KCNQ3: variants seen among roughly 807,000 people sequenced by gnomAD.
KCNQ3 encodes the protein potassium voltage-gated channel subfamily Q member 3.
Under a neutral mutation model 92.5 loss-of-function variants are expected in KCNQ3, and 30 were observed. That is an observed-to-expected ratio of 0.32 (90% CI 0.24 to 0.44). The LOEUF is 0.44. Ranked by LOEUF, KCNQ3 falls within the 20% of genes least tolerant of loss-of-function variation. KCNQ3 has a pLI of 1.00. For synonymous variants in KCNQ3, 450 were observed against 468.8 expected (o/e 0.96, Z 0.52); for missense variants, 913 against 1,140.3 (o/e 0.80, Z 2.87).
At chr8:132,311,220 A>C (rs1817582917) in intron 1 of KCNQ3, among the ~76,000 whole-genome samples, 1 of 152,172 alleles carries the variant, frequency 6.6e-6, no homozygotes, top group African/African-American at 2.4e-5. Flanking sequence ...TGGTAGATTA[A>C]AGTGATTTGT....
At chr8:132,461,070 T>A (rs868035939) in intron 1 of KCNQ3, among the ~76,000 whole-genome samples, 1 of 152,246 alleles carries the variant, frequency 6.6e-6, no homozygotes, top group African/African-American at 2.4e-5. Flanking sequence ...TGACTTAATA[T>A]CTCATTTCTT....
chr8:132,143,019 G>C (rs563368615), intron 9 of KCNQ3, among the ~76,000 whole-genome samples: 41 of 152,310 alleles, frequency 2.7e-4, no homozygotes, highest in Admixed American at 8.5e-4. Context: ...CATACGGAAG[G>C]CATTAAGAAA....
intron 1 of KCNQ3, among the ~76,000 whole-genome samples, chr8:132,414,449 A>T (rs1357311552): frequency 2.0e-5 from 3 of 152,246 alleles, no homozygotes; most frequent in Admixed American, 2.0e-4. Context: ...AGCCCAAGGC[A>T]TGTCAAATGC....
intron 1 of KCNQ3, among the ~76,000 whole-genome samples, chr8:132,446,600 C>T (rs1821683331): frequency 1.3e-5 from 2 of 152,164 alleles, no homozygotes; most frequent in South Asian, 4.1e-4. Context: ...CAGGATGAGT[C>T]TATGTGTCAG....
intron 1 of KCNQ3, among the ~76,000 whole-genome samples, chr8:132,414,911 G>C (rs1264646219): frequency 6.6e-6 from 1 of 152,214 alleles, no homozygotes; most frequent in Non-Finnish European, 1.5e-5. Flanking sequence ...AGTGTGTCCG[G>C]CAGAAGTAGG....
chr8:132,165,170 T>C (rs923553373), intron 8 of KCNQ3, among the ~76,000 whole-genome samples: 1 of 152,160 alleles, frequency 6.6e-6, no homozygotes, highest in Non-Finnish European at 1.5e-5. Flanking sequence ...CACCCTTCAG[T>C]TCATGTCATC....
intron 1 of KCNQ3, among the ~76,000 whole-genome samples, chr8:132,410,106 T>A (rs999370521): frequency 3.0e-4 from 45 of 152,078 alleles, no homozygotes; most frequent in Non-Finnish European, 4.6e-4. Flanking sequence ...TGTAGCTGGG[T>A]GACAGAATGA....
rs1199682378 is a variant in KCNQ3 at position 132,128,318 on chromosome 8, C to CTGTG, written c.*940_*943dup. On this transcript the variant is annotated 3_prime_UTR_variant, in exon 15 of 15. Transcript: ENST00000388996. ...AGGAAGTCCTTGGACTAGAAAATTTCTGTGTGCCTTCTTGACTTTAATTTC... is the reference window on the plus strand; with the variant it reads ...AGGAAGTCCTTGGACTAGAAAATTTCTGTGTGTGTGCCTTCTTGACTTTAATTTC... 2 of 152,146 alleles carry CTGTG rather than the reference C, an allele frequency of 1.3e-5. No homozygotes were observed. Among genetic ancestry groups the CTGTG allele is most frequent in the Non-Finnish European group, 2.9e-5 (2 of 68,024 alleles). The allele number at this position is 152,146 out of a possible 1,614,324, so 9.4% of individuals were successfully genotyped here. A position where few individuals can be genotyped will look rare whatever the true frequency, so the allele number is the denominator to read the frequency against.
At chr8:132,400,807 A>G (rs1286320966) in intron 1 of KCNQ3, among the ~76,000 whole-genome samples, 1 of 152,194 alleles carries the variant, frequency 6.6e-6, no homozygotes, top group African/African-American at 2.4e-5. Flanking sequence ...GCCTGGGCAC[A>G]ATGGCATTAA....
At chr8:132,147,449 A>G (rs1322406391) in intron 9 of KCNQ3, among the ~76,000 whole-genome samples, 2 of 152,244 alleles carry the variant, frequency 1.3e-5, no homozygotes, top group African/African-American at 2.4e-5. Flanking sequence ...ACTGAGAGGC[A>G]TCGTGTCAAG....
At chr8:132,234,039 C>T (rs1232644616) in intron 1 of KCNQ3, among the ~76,000 whole-genome samples, 1 of 152,160 alleles carries the variant, frequency 6.6e-6, no homozygotes, top group African/African-American at 2.4e-5. Context: ...GGGCAGTAGG[C>T]GTAAACTAGA....
At chr8:132,411,545 G>C (rs763048868) in intron 1 of KCNQ3, among the ~76,000 whole-genome samples, 1 of 152,102 alleles carries the variant, frequency 6.6e-6, no homozygotes, top group Admixed American at 6.5e-5. Flanking sequence ...TGTTGGTGAG[G>C]GAGGCTACCA....
At chr8:132,470,727 C>G (rs1049157117) in intron 1 of KCNQ3, among the ~76,000 whole-genome samples, 1 of 152,114 alleles carries the variant, frequency 6.6e-6, no homozygotes, top group African/African-American at 2.4e-5. Flanking sequence ...TCAGCTGGAA[C>G]CAATCAAGAG....
intron 1 of KCNQ3, among the ~76,000 whole-genome samples, chr8:132,194,134 T>C (rs768238034): frequency 6.6e-6 from 1 of 152,222 alleles, no homozygotes; most frequent in Non-Finnish European, 1.5e-5. Context: ...CTTAGAATCC[T>C]TGTCTGTCTG....
rs143349903 is a variant in KCNQ3 at position 132,272,413 on chromosome 8, G to A, written c.387-86232C>T. Among the ~76,000 whole-genome samples, 94 of 152,318 alleles carry A rather than the reference G, an allele frequency of 6.2e-4. No individual in the cohort carries two copies. The East Asian group carries it at 0.014, about 23-fold the overall frequency. ...TAGCCACTGTCTAGCTAGAAGAGTC[G>A]GAATGCCTGGGCTTTGCTTCAGTTC... On this transcript the variant is annotated intron_variant, in intron 1 of 14. Coordinates refer to ENST00000388996, the MANE Select transcript of KCNQ3 (RefSeq NM_004519.4).
At chr8:132,435,106 G>A (rs1348074695) in intron 1 of KCNQ3, among the ~76,000 whole-genome samples, 1 of 152,312 alleles carries the variant, frequency 6.6e-6, no homozygotes, top group African/African-American at 2.4e-5. Flanking sequence ...AGGCCTGGGT[G>A]GGGGACAGCA....
intron 1 of KCNQ3, among the ~76,000 whole-genome samples, chr8:132,475,272 T>C (rs1196431800): frequency 2.0e-5 from 3 of 152,218 alleles, no homozygotes; most frequent in Admixed American, 6.5e-5. Flanking sequence ...CCCATAAAGA[T>C]ACTTGCAAGT....
chr8:132,379,480 T>C (rs561166223), intron 1 of KCNQ3, among the ~76,000 whole-genome samples: 14 of 152,270 alleles, frequency 9.2e-5, no homozygotes, highest in Non-Finnish European at 1.5e-4. Flanking sequence ...AAGCACCCTA[T>C]TTTCTGTACA....
intron 1 of KCNQ3, among the ~76,000 whole-genome samples, chr8:132,358,479 T>G (rs142731815): frequency 1.2e-4 from 18 of 152,300 alleles, no homozygotes; most frequent in African/African-American, 4.1e-4. Flanking sequence ...CATTGGGTAA[T>G]GTTAGCTGAG....
Sources: gnomAD v4.1 joint callset for allele counts (sites outside exome capture counted in the v4.1 genomes callset) on GRCh38, gnomAD v4.1.1 for gene constraint, MANE v1.5 for transcripts, NCBI Gene and HGNC (gene_info 2026-07-23, HGNC 2026-07-21) for gene names.